NDUFS4: variants seen among roughly 807,000 people sequenced by gnomAD.
The protein encoded by NDUFS4 is NADH:ubiquinone oxidoreductase subunit S4, also known as NADH dehydrogenase [ubiquinone] iron-sulfur protein 4, mitochondrial.
Under a neutral mutation model 24.3 loss-of-function variants are expected in NDUFS4, and 28 were observed. That is an observed-to-expected ratio of 1.15 (90% CI 0.85 to 1.58). The LOEUF is 1.58. Ranked by LOEUF, NDUFS4 falls within the 40% of genes most tolerant of loss-of-function variation. The pLI is 0.00. For synonymous variants in NDUFS4, 93 were observed against 69.7 expected (o/e 1.34, Z -1.67); for missense variants, 223 against 207.9 (o/e 1.07, Z -0.45).
chr5:53,658,951 T>C (rs929244679), intron 4 of NDUFS4, among the ~76,000 whole-genome samples: 2 of 152,180 alleles, frequency 1.3e-5, no homozygotes, highest in African/African-American at 4.8e-5. Context: ...ATTGAACATA[T>C]ATGGCAGCCT....
chr5:53,564,224 C>T (rs1748948528), intron 1 of NDUFS4, among the ~76,000 whole-genome samples: 1 of 152,120 alleles, frequency 6.6e-6, no homozygotes, highest in Admixed American at 6.5e-5. Flanking sequence ...AATTTGAACC[C>T]TCCAAATAGT....
intron 2 of NDUFS4, among the ~76,000 whole-genome samples, chr5:53,641,154 G>C (rs1040704794): frequency 1.7e-4 from 26 of 152,236 alleles, no homozygotes; most frequent in African/African-American, 5.8e-4. Context: ...CTTCACATAT[G>C]TTATTTAGTA....
chr5:53,669,057 C>A (rs1267615277), intron 4 of NDUFS4, among the ~76,000 whole-genome samples: 6 of 152,074 alleles, frequency 3.9e-5, no homozygotes, highest in African/African-American at 1.2e-4. Context: ...TGCTTTTTGG[C>A]TACAGTGGTA....
chr5:53,576,194 G>GCC (rs1398392111), intron 1 of NDUFS4, among the ~76,000 whole-genome samples: 1 of 152,212 alleles, frequency 6.6e-6, no homozygotes, highest in African/African-American at 2.4e-5. Context: ...AGGCTTTGTA[G>GCC]CCCTTCCATA....
At chr5:53,660,170 C>A (rs1752291200) in intron 4 of NDUFS4, among the ~76,000 whole-genome samples, 1 of 128,068 alleles carries the variant, frequency 7.8e-6, no homozygotes, top group Admixed American at 8.8e-5. Flanking sequence ...ACAACAGGTC[C>A]CGGAGTGTGA....
intron 2 of NDUFS4, among the ~76,000 whole-genome samples, chr5:53,608,595 G>C (rs193082839): frequency 8.9e-5 from 13 of 146,520 alleles, no homozygotes; most frequent in African/African-American, 3.1e-4. Context: ...TCTGTCTCAA[G>C]AAACGACTTA....
At chr5:53,618,896 C>G (rs1287318305) in intron 2 of NDUFS4, among the ~76,000 whole-genome samples, 1 of 148,846 alleles carries the variant, frequency 6.7e-6, no homozygotes, top group Non-Finnish European at 1.5e-5. Flanking sequence ...GGTGGATTGC[C>G]TGAGCTCAGG....
chr5:53,655,848 G>A (rs1282845602), intron 3 of NDUFS4, among the ~76,000 whole-genome samples: 1 of 152,162 alleles, frequency 6.6e-6, no homozygotes, highest in East Asian at 1.9e-4. Flanking sequence ...CCTTTCTGAA[G>A]TTTTGATGGA....
chr5:53,627,967 A>G (rs932316780), intron 2 of NDUFS4, among the ~76,000 whole-genome samples: 1 of 152,170 alleles, frequency 6.6e-6, no homozygotes, highest in African/African-American at 2.4e-5. Flanking sequence ...GCCGGTTTTT[A>G]AAGGGAATGC....
chr5:53,665,180 C>A (rs1015039496), intron 4 of NDUFS4, among the ~76,000 whole-genome samples: 10 of 152,154 alleles, frequency 6.6e-5, no homozygotes, highest in African/African-American at 2.4e-4. Flanking sequence ...CCTGATTGTT[C>A]CTCTGGAAGC....
At chr5:53,570,385 G>A (rs376739218) in intron 1 of NDUFS4, among the ~76,000 whole-genome samples, 36 of 152,228 alleles carry the variant, frequency 2.4e-4, no homozygotes, top group East Asian at 2.1e-3. Context: ...GTAGTATTCC[G>A]TTATGTGGAG....
chr5:53,627,240 A>C (rs1005314840), intron 2 of NDUFS4, among the ~76,000 whole-genome samples: 3 of 152,072 alleles, frequency 2.0e-5, no homozygotes, highest in African/African-American at 7.2e-5. Flanking sequence ...ATTGGTCTAT[A>C]TATCTGTTTT....
intron 4 of NDUFS4, among the ~76,000 whole-genome samples, chr5:53,664,450 C>A (rs545764174): frequency 1.2e-4 from 19 of 152,270 alleles, no homozygotes; most frequent in Middle Eastern, 3.4e-3. Context: ...CCATTCTCCC[C>A]GTCACTTTCA....
chr5:53,601,090 C>T (rs7700514), intron 1 of NDUFS4, among the ~76,000 whole-genome samples: 3,099 of 151,188 alleles, frequency 0.02, 115 homozygotes, highest in African/African-American at 0.071. Context: ...CTGCAAGCTC[C>T]GCCTCCCAGG....
rs933466908 is a variant in NDUFS4 at position 53,621,607 on chromosome 5, A to G, written c.177+18077A>G. ...ATATGTAACATAAGAACCTTAAAAC[A>G]GTACTTCCACTTGTCATTCCAGTCC... On this transcript the variant is annotated intron_variant, in intron 2 of 4. Transcript: ENST00000296684. Among the ~76,000 whole-genome samples the G allele has an allele frequency of 9.2e-5, 14 of 152,074 alleles. No individual in the cohort carries two copies. In the East Asian group the frequency reaches 2.7e-3, roughly 29 times the overall value.
rs1579850488 is a variant in NDUFS4, at chr5:53,595,117, T to A, written c.99-8335T>A. 2.6e-5 allele frequency among the ~76,000 whole-genome samples: 4 copies of A among 152,282 alleles called. No individual in the cohort carries two copies. In the South Asian group the frequency reaches 8.3e-4, roughly 32 times the overall value. On this transcript the variant is annotated intron_variant, in intron 1 of 4. Transcript: ENST00000296684. The stretch of plus-strand genomic sequence containing the variant: ...TCTGCTTTTGTACTCTGATCTGTAC[T>A]ATTTGTTTAATGTATATGTCTGTGC...
At chr5:53,646,675 C>G (rs1201580597) in intron 3 of NDUFS4, among the ~76,000 whole-genome samples, 1 of 150,122 alleles carries the variant, frequency 6.7e-6, no homozygotes, top group Admixed American at 6.6e-5. Flanking sequence ...TTATGGAACT[C>G]AAAGCTATGT....
intron 2 of NDUFS4, among the ~76,000 whole-genome samples, chr5:53,619,782 A>G (rs142421834): frequency 0.013 from 1,947 of 152,266 alleles, 23 homozygotes; most frequent in Admixed American, 0.018. Flanking sequence ...TAATGTGACT[A>G]TATTTCTTTA....
chr5:53,571,770 A>G (rs1749217859), intron 1 of NDUFS4, among the ~76,000 whole-genome samples: 1 of 152,226 alleles, frequency 6.6e-6, no homozygotes, highest in Non-Finnish European at 1.5e-5. Flanking sequence ...TTGTACTTCT[A>G]TGATGGCTAA....
Sources: gnomAD v4.1 joint callset for allele counts (sites outside exome capture counted in the v4.1 genomes callset) on GRCh38, gnomAD v4.1.1 for gene constraint, MANE v1.5 for transcripts, NCBI Gene and HGNC (gene_info 2026-07-23, HGNC 2026-07-21) for gene names.